HHLA2: variants seen among roughly 807,000 people sequenced by gnomAD.
HHLA2 encodes HERV-H LTR-associating protein 2.
A neutral mutation model predicts 45.9 loss-of-function variants in HHLA2; 48 were observed. That is an observed-to-expected ratio of 1.05 (90% CI 0.83 to 1.33). HHLA2 has a LOEUF of 1.33. HHLA2 is among the 40% of genes most tolerant of loss of function. The probability of loss-of-function intolerance (pLI) is 0.00; values close to 1 mark genes in which losing one functional copy is unlikely to be tolerated. For synonymous variants in HHLA2, 161 were observed against 173.9 expected (o/e 0.93, Z 0.59); for missense variants, 462 against 494.3 (o/e 0.93, Z 0.62).
chr3:108,347,114 C>T (rs1322428628), intron 3 of HHLA2, among the ~76,000 whole-genome samples: 1 of 152,100 alleles, frequency 6.6e-6, no homozygotes, highest in East Asian at 1.9e-4. Context: ...AAGGTGGAAG[C>T]TTTCTGCTGC....
chr3:108,308,261 C>T (rs753740726), intron 1 of HHLA2, among the ~76,000 whole-genome samples: 4 of 152,152 alleles, frequency 2.6e-5, no homozygotes, highest in Non-Finnish European at 4.4e-5. Flanking sequence ...GAACATGTGA[C>T]GTTTGTCTTT....
intron 3 of HHLA2, among the ~76,000 whole-genome samples, chr3:108,335,264 T>A (rs1185174638): frequency 6.6e-6 from 1 of 152,128 alleles, no homozygotes. Flanking sequence ...AATAAATGAG[T>A]TGCATGAGCA....
At chr3:108,316,803 T>A (rs2081110990) in intron 2 of HHLA2, among the ~76,000 whole-genome samples, 1 of 152,210 alleles carries the variant, frequency 6.6e-6, no homozygotes, top group South Asian at 2.1e-4. Flanking sequence ...CAAATAAAAT[T>A]TGGCAACCCT....
intron 8 of HHLA2, among the ~76,000 whole-genome samples, chr3:108,368,159 G>A (rs2082098149): frequency 6.6e-6 from 1 of 152,056 alleles, no homozygotes; most frequent in Admixed American, 6.6e-5. Context: ...AGCAAATGCT[G>A]AGGGATTCTG....
intron 2 of HHLA2, chr3:108,328,248 T>C: frequency 8.0e-7 from 1 of 1,243,348 alleles, no homozygotes; most frequent in Non-Finnish European, 1.1e-6. Flanking sequence ...GGAATCACCT[T>C]AATCTAATTT....
At chr3:108,356,277 A>G (rs2081890495) in intron 6 of HHLA2, among the ~76,000 whole-genome samples, 1 of 152,036 alleles carries the variant, frequency 6.6e-6, no homozygotes, top group Non-Finnish European at 1.5e-5. Context: ...TGATCCACCC[A>G]TATCGGCCTC....
At chr3:108,312,968 G>A (rs1296314351) in intron 2 of HHLA2, among the ~76,000 whole-genome samples, 1 of 152,188 alleles carries the variant, frequency 6.6e-6, no homozygotes, top group African/African-American at 2.4e-5. Context: ...ACATTCTTGA[G>A]GAACGAACAG....
At chr3:108,334,197 C>G (rs1158688823) in intron 3 of HHLA2, among the ~76,000 whole-genome samples, 1 of 152,082 alleles carries the variant, frequency 6.6e-6, no homozygotes, top group Admixed American at 6.6e-5. Flanking sequence ...ATAATCAGGG[C>G]TCAGGAAATG....
At chr3:108,314,834 C>G (rs915949428) in intron 2 of HHLA2, among the ~76,000 whole-genome samples, 5 of 152,166 alleles carry the variant, frequency 3.3e-5, no homozygotes, top group African/African-American at 1.2e-4. Flanking sequence ...AAGTCACAGC[C>G]AAGCCTGACT....
At chr3:108,330,310 C>T (rs1028654906) in intron 3 of HHLA2, among the ~76,000 whole-genome samples, 4 of 152,184 alleles carry the variant, frequency 2.6e-5, no homozygotes, top group African/African-American at 9.7e-5. Flanking sequence ...GGTAGGACCA[C>T]TGCAGGCAGA....
At chr3:108,362,040 C>A (rs62266245) in intron 7 of HHLA2, among the ~76,000 whole-genome samples, 11,751 of 152,150 alleles carry the variant, frequency 0.077, 577 homozygotes, top group African/African-American at 0.13. Flanking sequence ...CCCAGCTCCC[C>A]CACCTCCACC....
intron 3 of HHLA2, among the ~76,000 whole-genome samples, chr3:108,339,915 A>G (rs1478096496): frequency 6.6e-6 from 1 of 152,130 alleles, no homozygotes; most frequent in Non-Finnish European, 1.5e-5. Flanking sequence ...TAGTTTCAGG[A>G]TTGGTAAGAA....
At chr3:108,302,237 T>C (rs2080862054) in intron 1 of HHLA2, among the ~76,000 whole-genome samples, 1 of 152,186 alleles carries the variant, frequency 6.6e-6, no homozygotes. Flanking sequence ...TCTGTTCTGT[T>C]GTAGTAGGAG....
At chr3:108,320,328 G>C (rs1039052426) in intron 2 of HHLA2, among the ~76,000 whole-genome samples, 4 of 152,134 alleles carry the variant, frequency 2.6e-5, no homozygotes, top group African/African-American at 9.7e-5. Flanking sequence ...AAAATGTACA[G>C]TCCAAAGAAC....
intron 1 of HHLA2, among the ~76,000 whole-genome samples, chr3:108,309,821 G>GAA (rs1388416032): frequency 2.0e-5 from 3 of 152,076 alleles, no homozygotes; most frequent in African/African-American, 7.2e-5. Flanking sequence ...GGAACTGAAT[G>GAA]ACTAAATCCA....
At chr3:108,350,208 C>T (rs2081751776) in intron 3 of HHLA2, among the ~76,000 whole-genome samples, 1 of 152,076 alleles carries the variant, frequency 6.6e-6, no homozygotes, top group Non-Finnish European at 1.5e-5. Context: ...ATAACTAATA[C>T]TATTTTGGAG....
At chr3:108,331,373 AT>A (rs1489135622) in intron 3 of HHLA2, among the ~76,000 whole-genome samples, 2 of 152,184 alleles carry the variant, frequency 1.3e-5, no homozygotes, top group Non-Finnish European at 2.9e-5. Flanking sequence ...AGGTTCATCC[AT>A]TGTTAATATT....
chr3:108,317,558 A>G (rs1251184300), intron 2 of HHLA2, among the ~76,000 whole-genome samples: 1 of 150,836 alleles, frequency 6.6e-6, no homozygotes, highest in Admixed American at 6.6e-5. Flanking sequence ...GTAGCCTAGG[A>G]TAGTAGGGAG....
intron 7 of HHLA2, among the ~76,000 whole-genome samples, chr3:108,361,714 C>G (rs1004964319): frequency 4.6e-5 from 7 of 151,728 alleles, no homozygotes; most frequent in Non-Finnish European, 1.0e-4. Flanking sequence ...GGAATGTATC[C>G]CCCAGGGATA....
Sources: gnomAD v4.1 joint callset for allele counts (sites outside exome capture counted in the v4.1 genomes callset) on GRCh38, gnomAD v4.1.1 for gene constraint, MANE v1.5 for transcripts, NCBI Gene and HGNC (gene_info 2026-07-23, HGNC 2026-07-21) for gene names.